CFTR: variants seen among roughly 807,000 people sequenced by gnomAD.
CFTR encodes the protein CF transmembrane conductance regulator.
CFTR carries 181 observed loss-of-function variants against 171.6 expected under a neutral mutation model. The ratio of observed to expected loss-of-function variants is 1.05; its 90% confidence interval spans 0.93 to 1.19. CFTR has a LOEUF of 1.19. Ranked by LOEUF, CFTR falls within the 50% of genes most tolerant of loss-of-function variation. CFTR has a pLI of 0.00. For synonymous variants in CFTR, 583 were observed against 608.0 expected, an observed-to-expected ratio of 0.96 and a Z score of 0.60; for missense variants, 1,968 against 1,734.7, an observed-to-expected ratio of 1.13 and a Z score of -2.39.
chr7:117,640,870 G>A (rs1792901499), intron 22 of CFTR, among the ~76,000 whole-genome samples: 1 of 152,018 alleles, frequency 6.6e-6, no homozygotes, highest in Admixed American at 6.6e-5. Context: ...CTTCCATCTG[G>A]CTATCCCTTA....
At position 117,667,133 on chromosome 7, in the gene CFTR, G is replaced by T; in HGVS notation, c.*25G>T. On this transcript the variant is annotated 3_prime_UTR_variant, in exon 27 of 27. Coordinates refer to ENST00000003084, the MANE Select transcript of CFTR (RefSeq NM_000492.4). ...GAGAGCAGCATAAATGTTGACATGG[G>T]ACATTTGCTCATGGAATTGGAGCTC... The T allele has an allele frequency of 1.3e-6, 2 of 1,599,562 alleles. No individual in the cohort carries two copies. Among genetic ancestry groups the T allele is most frequent in the South Asian group, 2.2e-5 (2 of 90,396 alleles).
chr7:117,584,020 G>T (rs1265121878), intron 11 of CFTR, among the ~76,000 whole-genome samples: 2 of 149,994 alleles, frequency 1.3e-5, no homozygotes, highest in African/African-American at 4.9e-5. Flanking sequence ...GGAATTATTT[G>T]TTTTTTTTTC....
chr7:117,498,053 T>A (rs964002620), intron 1 of CFTR, among the ~76,000 whole-genome samples: 1 of 152,162 alleles, frequency 6.6e-6, no homozygotes, highest in Non-Finnish European at 1.5e-5. Context: ...ATGTTTGGAT[T>A]CATTAGGTAC....
chr7:117,494,570 A>G (rs1326643630), intron 1 of CFTR, among the ~76,000 whole-genome samples: 1 of 152,138 alleles, frequency 6.6e-6, no homozygotes, highest in Non-Finnish European at 1.5e-5. Flanking sequence ...CAGAATAACA[A>G]TGATGGCTCG....
intron 24 of CFTR, among the ~76,000 whole-genome samples, chr7:117,662,532 AAG>A (rs1246026406): frequency 6.6e-6 from 1 of 152,208 alleles, no homozygotes; most frequent in East Asian, 1.9e-4. Context: ...TGCTGGGAAT[AAG>A]AGTGAAGGGG....
intron 9 of CFTR, among the ~76,000 whole-genome samples, chr7:117,546,428 G>A (rs1799148784): frequency 6.6e-6 from 1 of 152,048 alleles, no homozygotes; most frequent in Admixed American, 6.6e-5. Context: ...AGTCATTGCA[G>A]CTGACCTGTA....
chr7:117,618,607 A>G (rs1468112156), intron 21 of CFTR, among the ~76,000 whole-genome samples: 1 of 152,158 alleles, frequency 6.6e-6, no homozygotes, highest in East Asian at 1.9e-4. Flanking sequence ...TCTTGACACC[A>G]TCATATGTTC....
intron 10 of CFTR, among the ~76,000 whole-genome samples, chr7:117,552,472 A>T (rs1243277064): frequency 1.3e-5 from 2 of 152,200 alleles, no homozygotes; most frequent in African/African-American, 4.8e-5. Context: ...ATTTACTGAA[A>T]CAAACATCAA....
chr7:117,517,708 T>C (rs1798616225), intron 3 of CFTR, among the ~76,000 whole-genome samples: 1 of 152,178 alleles, frequency 6.6e-6, no homozygotes, highest in Non-Finnish European at 1.5e-5. Context: ...CCACATCCGC[T>C]CCAGCATCTG....
At chr7:117,572,935 G>A (rs1014712217) in intron 11 of CFTR, among the ~76,000 whole-genome samples, 1 of 152,016 alleles carries the variant, frequency 6.6e-6, no homozygotes, top group Non-Finnish European at 1.5e-5. Flanking sequence ...ATTAAAAAAG[G>A]GTTTATGGTA....
intron 9 of CFTR, among the ~76,000 whole-genome samples, chr7:117,547,490 T>A (rs1023129754): frequency 2.0e-5 from 3 of 151,776 alleles, no homozygotes; most frequent in African/African-American, 7.2e-5. Flanking sequence ...AGATAAGTAA[T>A]AACTATTATT....
In CFTR at chr7:117,627,734, A is replaced by G. The variant is rs943312470; in HGVS notation, c.3681A>G (p.Leu1227=). The G allele has an allele frequency of 9.3e-6, 15 of 1,612,914 alleles. No homozygotes were observed. The highest frequency in any genetic ancestry group is 1.3e-5 in the Non-Finnish European group (15 of 1,179,478). ...AKYTEGGNAI[L]ENISFSISPG... is the part of the protein sequence containing the mutation. ...ACACAGAAGGTGGAAATGCCATATT[A>G]GAGAACATTTCCTTCTCAATAAGTC... The change falls in exon 22 of 27, where the codon TTA becomes TTG. Residue 1227 remains leucine (L), a synonymous_variant. Transcript: ENST00000003084.
intron 15 of CFTR, among the ~76,000 whole-genome samples, chr7:117,601,773 C>T (rs188051153): frequency 2.2e-4 from 34 of 152,264 alleles, no homozygotes; most frequent in Admixed American, 1.6e-3. Flanking sequence ...GATTAAATTT[C>T]TCTACATGGT....
At chr7:117,574,167 T>G (rs1414768682) in intron 11 of CFTR, among the ~76,000 whole-genome samples, 1 of 152,030 alleles carries the variant, frequency 6.6e-6, no homozygotes, top group African/African-American at 2.4e-5. Flanking sequence ...CAAAGATAAA[T>G]GTTTAACAGT....
chr7:117,568,340 C>T (rs575636243), intron 11 of CFTR, among the ~76,000 whole-genome samples: 189 of 152,224 alleles, frequency 1.2e-3, no homozygotes, highest in African/African-American at 4.4e-3. Flanking sequence ...TTGCATTTTA[C>T]AAAGATTGTC....
chr7:117,661,091 C>A (rs1234241997), intron 24 of CFTR, among the ~76,000 whole-genome samples: 2 of 152,200 alleles, frequency 1.3e-5, no homozygotes, highest in Non-Finnish European at 2.9e-5. Flanking sequence ...ACTAATCTAT[C>A]TTGCTTTCCA....
chr7:117,643,750 T>C (rs1419540975), intron 23 of CFTR, among the ~76,000 whole-genome samples: 3 of 152,196 alleles, frequency 2.0e-5, no homozygotes, highest in Admixed American at 6.6e-5. Flanking sequence ...AACTGGTTGA[T>C]AGAGAAGTGT....
intron 1 of CFTR, among the ~76,000 whole-genome samples, chr7:117,487,315 G>C (rs1443727545): frequency 6.6e-6 from 1 of 152,084 alleles, no homozygotes; most frequent in Non-Finnish European, 1.5e-5. Context: ...AGAGTGTTAG[G>C]AAGAAGCAGC....
chr7:117,484,039 T>A (rs1435257324), intron 1 of CFTR, among the ~76,000 whole-genome samples: 2 of 152,208 alleles, frequency 1.3e-5, no homozygotes, highest in Non-Finnish European at 2.9e-5. Flanking sequence ...TCATGATGAT[T>A]TTGTATTTAC....
Sources: allele counts gnomAD v4.1 joint callset (sites outside exome capture counted in the v4.1 genomes callset), GRCh38; gene constraint gnomAD v4.1.1; transcripts MANE v1.5; gene names NCBI Gene and HGNC (gene_info 2026-07-23, HGNC 2026-07-21).